Variants in DHTKD1 observed in about 807,000 individuals in gnomAD.
DHTKD1 encodes the protein dehydrogenase E1 and transketolase domain containing 1, also known as 2-oxoadipate dehydrogenase complex component E1.
DHTKD1 carries 78 observed loss-of-function variants against 101.8 expected under a neutral mutation model. That is an observed-to-expected ratio of 0.77 (90% confidence interval 0.64 to 0.93). DHTKD1 has a LOEUF of 0.93. Ranked by LOEUF, DHTKD1 falls within the 40% of genes least tolerant of loss-of-function variation. The pLI, the probability that DHTKD1 is intolerant of heterozygous loss-of-function variation, is 0.00. For synonymous variants in DHTKD1, 462 were observed against 450.3 expected, an observed-to-expected ratio of 1.03 and a Z score of -0.33; for missense variants, 1,223 against 1,161.7, an observed-to-expected ratio of 1.05 and a Z score of -0.77.
Position 12,107,781 on chromosome 10 carries a change from G to A in DHTKD1, c.2048-128G>A, listed in dbSNP as rs1833272508. 2 of 641,420 alleles carry A rather than the reference G, an allele frequency of 3.1e-6. No individual in the cohort carries two copies. The highest frequency in any genetic ancestry group is 2.8e-5 in the East Asian group (1 of 36,338). 39.7% of individuals were successfully genotyped at this position (641,420 alleles called of 1,614,324 possible). On this transcript the variant is annotated intron_variant, in intron 11 of 16. Coordinates refer to ENST00000263035, the MANE Select transcript of DHTKD1 (RefSeq NM_018706.7). The surrounding 1 kb of genome is among the most constrained non-coding windows in gnomAD (Gnocchi z 4.1). ...AAGTATAGCATAACAGTTCTAGAAGGTGCATGTAATGAAAGCAGTTTTGGG... is the reference window on the plus strand; with the variant it reads ...AAGTATAGCATAACAGTTCTAGAAGATGCATGTAATGAAAGCAGTTTTGGG...
At chr10:12,079,110 A>G (rs2131350192) in intron 1 of DHTKD1, among the ~76,000 whole-genome samples, 1 of 152,202 alleles carries the variant, frequency 6.6e-6, no homozygotes, top group East Asian at 1.9e-4. Context: ...TTTTTTAGAT[A>G]TGGGATCTTG....
At chr10:12,119,011 A>C (rs1833470805) in intron 15 of DHTKD1, 93 bp downstream of exon 15, 2 of 1,307,470 alleles carry the variant, frequency 1.5e-6, no homozygotes, top group Non-Finnish European at 2.0e-6. Flanking sequence ...GGGTTATTAG[A>C]AAATTGAATC....
In DHTKD1 at chr10:12,097,822, G is replaced by A; in HGVS notation, c.1497G>A (p.Arg499=). 6.2e-7 allele frequency: 1 copy of A among 1,614,124 alleles called. No individual in the cohort carries two copies. The highest frequency in any genetic ancestry group is 1.3e-5 in the African/African-American group (1 of 75,024). The change falls in exon 8 of 17, where the codon AGG becomes AGA. Residue 499 remains arginine, a synonymous_variant. Coordinates refer to ENST00000263035, the MANE Select transcript of DHTKD1 (RefSeq NM_018706.7). ...ACTTAAATAACATGGCCCACTACAGGCCCCCTGCCCTGAACCTGCAGGCCC... is the reference window on the plus strand; with the variant it reads ...ACTTAAATAACATGGCCCACTACAGACCCCCTGCCCTGAACCTGCAGGCCC... ...NDHLNNMAHY[R]PPALNLQAHW... is the part of the protein sequence containing the mutation.
chr10:12,074,912 G>T (rs1380451476), intron 1 of DHTKD1, among the ~76,000 whole-genome samples: 1 of 151,984 alleles, frequency 6.6e-6, no homozygotes, highest in Non-Finnish European at 1.5e-5. Context: ...GGTTACTTGA[G>T]GTGAGGAGTT....
At chr10:12,093,331 A>G (rs1377156216) in intron 6 of DHTKD1, among the ~76,000 whole-genome samples, 2 of 152,170 alleles carry the variant, frequency 1.3e-5, no homozygotes, top group African/African-American at 2.4e-5. Context: ...GGCGTGAGCC[A>G]CTGCACCTGG....
chr10:12,091,554 T>C lies in DHTKD1; in HGVS notation c.1029T>C (p.Pro343=). 6.2e-7 allele frequency: 1 copy of C among 1,612,510 alleles called. No individual in the cohort carries two copies. The highest frequency in any genetic ancestry group is 8.5e-7 in the Non-Finnish European group (1 of 1,179,766). ...CTTTCTGTGGTCAAGGGATTGTTCCTGAAACATTCACGCTGTCCAATCTCC... is the reference window on the plus strand; with the variant it reads ...CTTTCTGTGGTCAAGGGATTGTTCCCGAAACATTCACGCTGTCCAATCTCC... ...DASFCGQGIV[P]ETFTLSNLPH... Residue 343 remains proline (P), a synonymous_variant, in exon 6 of 17, where the codon CCT becomes CCC. Coordinates refer to ENST00000263035, the MANE Select transcript of DHTKD1 (RefSeq NM_018706.7).
At position 12,118,785 on chromosome 10, in the gene DHTKD1, C is replaced by G; in HGVS notation, c.2439C>G (p.Phe813Leu). ...TCGTGTTCTGCTCCGGCAAACATTT[C>G]TACTCCCTGGTGAAACAAAGAGAAT... ...KTLVFCSGKHFYSLVKQRESL... is the reference protein window; with the variant it reads ...KTLVFCSGKHLYSLVKQRESL... The change falls in exon 15 of 17, where the codon TTC becomes TTG. Residue 813 changes from phenylalanine to leucine, a missense_variant. Coordinates refer to ENST00000263035, the MANE Select transcript of DHTKD1 (RefSeq NM_018706.7). 8.1e-6 allele frequency: 13 copies of G among 1,603,478 alleles called. No homozygotes were observed. The highest frequency in any genetic ancestry group is 1.1e-5 in the South Asian group (1 of 89,240).
At chr10:12,080,388 A>G (rs1832797705) in intron 1 of DHTKD1, among the ~76,000 whole-genome samples, 1 of 151,888 alleles carries the variant, frequency 6.6e-6, no homozygotes, top group Admixed American at 6.6e-5. Flanking sequence ...TTCCACAGCA[A>G]CACTTGTTCA....
At position 12,094,165 on chromosome 10, in the gene DHTKD1, C is replaced by T; in HGVS notation, c.1252C>T (p.Gln418Ter). 1 of 1,614,168 alleles carries T rather than the reference C, an allele frequency of 6.2e-7. No individual in the cohort carries two copies. The highest frequency in any genetic ancestry group is 1.1e-5 in the South Asian group (1 of 91,088). Residue 418 changes from glutamine to a stop codon, truncating the protein, a stop_gained, in exon 7 of 17, where the codon CAG becomes TAG. Coordinates refer to ENST00000263035, the MANE Select transcript of DHTKD1 (RefSeq NM_018706.7). LOFTEE classifies it high-confidence loss of function. ...ACGACTGGCTTTTGAATACCAACGC[C>T]AGTTCCGCAAGGATGTGATTATTGA... ...ATRLAFEYQR[Q>*]FRKDVIIDLL...
intron 1 of DHTKD1, 70 bp from the exon 2 acceptor site, chr10:12,081,402 A>G (rs1832814251): frequency 1.5e-6 from 2 of 1,370,542 alleles, no homozygotes; most frequent in East Asian, 4.6e-5. Context: ...AGCTTCTTTG[A>G]AAATCTGATT....
Position 12,087,503 on chromosome 10 carries a change from T to C in DHTKD1, c.523-32T>C, listed in dbSNP as rs1832920365. On this transcript the variant is annotated intron_variant, in intron 3 of 16. Coordinates refer to ENST00000263035, the MANE Select transcript of DHTKD1 (RefSeq NM_018706.7). The surrounding 1 kb of genome is among the most constrained non-coding windows in gnomAD (Gnocchi z 5.2). The stretch of plus-strand genomic sequence containing the variant: ...TCCACTGGAGAAGCTGGCTGTCTCC[T>C]GGCAGCTCACGTCTGACATGATGTT... 2.6e-6 allele frequency: 4 copies of C among 1,546,524 alleles called. No individual in the cohort carries two copies. The highest frequency in any genetic ancestry group is 2.5e-5 in the South Asian group (2 of 80,456).
At chr10:12,101,537 G>T (rs570599363) in intron 10 of DHTKD1, among the ~76,000 whole-genome samples, 2 of 152,160 alleles carry the variant, frequency 1.3e-5, no homozygotes, top group African/African-American at 2.4e-5. Flanking sequence ...TAGCAAAATC[G>T]CACATCCTCA....
rs376642629 is a variant in DHTKD1, at chr10:12,094,099, C to T, written c.1186C>T (p.His396Tyr). Residue 396 changes from histidine to tyrosine, a missense_variant, in exon 7 of 17, where the codon CAT (histidine) becomes TAT (tyrosine). By Grantham distance (83) the His-to-Tyr change is moderately conservative. Coordinates refer to ENST00000263035, the MANE Select transcript of DHTKD1 (RefSeq NM_018706.7). ...GAAGCTTGTGGGCTGTGCCATCATC[C>T]ATGTCAATGGAGACAGCCCAGAGGA... ...IGKLVGCAIIHVNGDSPEEVV... is the reference protein window; with the variant it reads ...IGKLVGCAIIYVNGDSPEEVV... 5.0e-6 allele frequency: 8 copies of T among 1,614,054 alleles called. No individual in the cohort carries two copies. In the Admixed American group the frequency reaches 8.3e-5, roughly 17 times the overall value.
intron 12 of DHTKD1, among the ~76,000 whole-genome samples, chr10:12,108,239 C>A (rs980255104): frequency 1.3e-5 from 2 of 152,136 alleles, no homozygotes; most frequent in Admixed American, 1.3e-4. Flanking sequence ...ATCAGCAGTT[C>A]TTATACCAGG....
In DHTKD1 at chr10:12,084,730, G is replaced by C. The variant is rs138219515; in HGVS notation, c.501G>C (p.Ser167=). Residue 167 remains serine, a synonymous_variant, in exon 3 of 17, where the codon TCG becomes TCC. Coordinates refer to ENST00000263035, the MANE Select transcript of DHTKD1 (RefSeq NM_018706.7). ...CCACAGAAGAGCGAAAACATCTGTC[G>C]AAACTAATGCTGGAATCTCAGGTAA... ...TFTTEERKHL[S]KLMLESQEFD... 5 of 1,613,912 alleles carry C rather than the reference G, an allele frequency of 3.1e-6. No individual in the cohort carries two copies. In the South Asian group the frequency reaches 3.3e-5, roughly 11 times the overall value.
rs771198330 is a variant in DHTKD1 at position 12,069,082 on chromosome 10, C to T, written c.49C>T (p.Leu17Phe). The T allele has an allele frequency of 6.2e-7, 1 of 1,612,884 alleles. No individual in the cohort carries two copies. Among genetic ancestry groups the T allele is most frequent in the Admixed American group, 1.7e-5 (1 of 60,012 alleles). Residue 17 changes from leucine (L) to phenylalanine (F), a missense_variant, in exon 1 of 17, where the codon CTC becomes TTC. By Grantham distance (22) the Leu-to-Phe change is conservative. Transcript: ENST00000263035. ...AAARRGLGRA[L>F]PLFWRGYQTE... ...AGCACGACGGGGCCTCGGCCGGGCT[C>T]TCCCTCTCTTCTGGCGTGGCTACCA...
intron 1 of DHTKD1, among the ~76,000 whole-genome samples, chr10:12,074,021 C>T (rs962801614): frequency 6.6e-6 from 1 of 152,164 alleles, no homozygotes; most frequent in South Asian, 2.1e-4. Context: ...TCTCTGGCTT[C>T]GTTACGGACT....
rs1333300023 is a variant in DHTKD1, at chr10:12,107,573, A to G, written c.2048-336A>G. 2.0e-5 allele frequency among the ~76,000 whole-genome samples: 3 copies of G among 151,762 alleles called. No homozygotes were observed. The highest frequency in any genetic ancestry group is 7.3e-5 in the African/African-American group (3 of 41,296). On this transcript the variant is annotated intron_variant, in intron 11 of 16. Transcript: ENST00000263035. The surrounding 1 kb of genome is among the most constrained non-coding windows in gnomAD (Gnocchi z 4.1). ...GCTGGGACTACAGACATGTGCCACTACAGCTGGCTAATTTTTGTATTTTTA... is the reference window on the plus strand; with the variant it reads ...GCTGGGACTACAGACATGTGCCACTGCAGCTGGCTAATTTTTGTATTTTTA...
intron 1 of DHTKD1, among the ~76,000 whole-genome samples, chr10:12,072,882 A>G (rs1461861343): frequency 6.6e-6 from 1 of 151,600 alleles, no homozygotes; most frequent in African/African-American, 2.4e-5. Flanking sequence ...GACTACAGGC[A>G]TGTACCACCA....
Sources: gnomAD v4.1 joint callset for allele counts (sites outside exome capture counted in the v4.1 genomes callset) on GRCh38, gnomAD v4.1.1 for gene constraint, Gnocchi (gnomAD v3.1) non-coding constraint, MANE v1.5 for transcripts, NCBI Gene and HGNC (gene_info 2026-07-23, HGNC 2026-07-21) for gene names.